Variants in KMT2C observed in about 807,000 individuals in gnomAD.
KMT2C encodes histone-lysine N-methyltransferase 2C.
KMT2C carries 88 observed loss-of-function variants against 507.9 expected under a neutral mutation model. The ratio of observed to expected loss-of-function variants is 0.17; its 90% CI spans 0.15 to 0.21. KMT2C has a LOEUF of 0.21. Among genes scored for constraint, KMT2C ranks in the 10% least tolerant of loss-of-function variants. KMT2C has a pLI of 1.00. For missense variants in KMT2C, 4,954 were observed against 5,957.8 expected, an observed-to-expected ratio of 0.83 and a Z score of 5.55; for synonymous variants, 2,049 against 2,080.8, an observed-to-expected ratio of 0.98 and a Z score of 0.42.
intron 7 of KMT2C, among the ~76,000 whole-genome samples, chr7:152,266,007 A>C (rs2095852732): frequency 1.3e-5 from 2 of 152,302 alleles, no homozygotes; most frequent in Admixed American, 1.3e-4. Flanking sequence ...CTGCAAAATA[A>C]GGAAAATAAT....
Position 152,157,086 on chromosome 7 carries a change from GT to G in KMT2C, c.11671-741del, listed in dbSNP as rs869094423. On this transcript the variant is annotated intron_variant, in intron 44 of 58. Coordinates refer to ENST00000262189, the MANE Select transcript of KMT2C (RefSeq NM_170606.3). Reference sequence around the variant, plus strand: ...GGAGAACAGCTTATGAGTTAAGATAGTTTTTTTTTTTTCTTTTTGGAGACAG... The same window carrying G: ...GGAGAACAGCTTATGAGTTAAGATAGTTTTTTTTTTTCTTTTTGGAGACAG... Among the ~76,000 whole-genome samples, 1,391 of 147,770 alleles carry G rather than the reference GT, an allele frequency of 9.4e-3. 30 individuals are homozygous for G. Among genetic ancestry groups the G allele is most frequent in the African/African-American group, 0.032 (1,309 of 40,734 alleles).
chr7:152,246,569 A>G (rs1327051749), intron 14 of KMT2C, among the ~76,000 whole-genome samples: 3 of 152,168 alleles, frequency 2.0e-5, no homozygotes, highest in Non-Finnish European at 4.4e-5. Flanking sequence ...ATACATATGA[A>G]GCAGTATCTT....
chr7:152,296,884 A>G (rs1470520128), intron 6 of KMT2C, among the ~76,000 whole-genome samples: 1 of 151,840 alleles, frequency 6.6e-6, no homozygotes, highest in African/African-American at 2.4e-5. Context: ...TCACACCTGT[A>G]ATCCCAGCAC....
At chr7:152,213,473 T>C (rs2094501125) in intron 23 of KMT2C, among the ~76,000 whole-genome samples, 1 of 152,114 alleles carries the variant, frequency 6.6e-6, no homozygotes, top group Non-Finnish European at 1.5e-5. Context: ...AAAGATGGTG[T>C]CTTCAATAAG....
At chr7:152,301,789 A>G (rs2096571318) in intron 6 of KMT2C, among the ~76,000 whole-genome samples, 1 of 152,252 alleles carries the variant, frequency 6.6e-6, no homozygotes, top group Admixed American at 6.5e-5. Context: ...TATAGAAAAT[A>G]AAACAGTATT....
chr7:152,208,752 T>C (rs2094374479), intron 23 of KMT2C, among the ~76,000 whole-genome samples: 1 of 152,272 alleles, frequency 6.6e-6, no homozygotes, highest in Admixed American at 6.5e-5. Context: ...AGATAACATA[T>C]TTCAGTAATG....
At chr7:152,224,751 CGG>C (rs2094876580) in intron 18 of KMT2C, 135 bp from the exon 19 acceptor site, 1 of 651,424 alleles carries the variant, frequency 1.5e-6, no homozygotes, top group Admixed American at 2.8e-5. Flanking sequence ...TGAGCACCTA[CGG>C]AGGCCCAATA....
At position 152,180,900 on chromosome 7, in the gene KMT2C, A is replaced by G. The variant is rs1359936343; in HGVS notation, c.6960T>C (p.His2320=). ...CAGGCCTTGGCTGATCAGCAACATC[A>G]TGGGCAGTTTGACTTGTTCCAAAAG... ...SDSFGTSQTA[H]DVADQPRPGS... Residue 2320 remains histidine (H), a synonymous_variant, in exon 36 of 59, where the codon CAT becomes CAC. Coordinates refer to ENST00000262189, the MANE Select transcript of KMT2C (RefSeq NM_170606.3). The G allele has an allele frequency of 2.5e-6, 4 of 1,613,992 alleles. No homozygotes were observed. The highest frequency in any genetic ancestry group is 3.4e-6 in the Non-Finnish European group (4 of 1,180,016).
chr7:152,342,193 T>C (rs1339287933), intron 2 of KMT2C, among the ~76,000 whole-genome samples: 3 of 152,142 alleles, frequency 2.0e-5, no homozygotes, highest in African/African-American at 7.2e-5. Flanking sequence ...AACAAATAAT[T>C]AGACCAGAAG....
intron 23 of KMT2C, among the ~76,000 whole-genome samples, chr7:152,214,110 T>C (rs1396749473): frequency 3.3e-5 from 5 of 151,788 alleles, no homozygotes; most frequent in Admixed American, 6.6e-5. Context: ...CCTTTGTACA[T>C]GGTTGATAGG....
intron 33 of KMT2C, among the ~76,000 whole-genome samples, chr7:152,186,857 TGA>T (rs1563312336): frequency 6.6e-6 from 1 of 152,078 alleles, no homozygotes. Flanking sequence ...TCAGGGAAAG[TGA>T]GAGGGGAAGA....
At chr7:152,157,684 A>T in intron 44 of KMT2C, 11 of 948,868 alleles carry the variant, frequency 1.2e-5, no homozygotes, top group Non-Finnish European at 1.4e-5. Context: ...ACTAAATACA[A>T]AAATAAGACA....
At chr7:152,428,717 C>A (rs2097843926) in intron 1 of KMT2C, among the ~76,000 whole-genome samples, 1 of 152,062 alleles carries the variant, frequency 6.6e-6, no homozygotes, top group South Asian at 2.1e-4. Context: ...CAACCATCAG[C>A]CAGAATTCTG....
rs376118166 is a variant in KMT2C at position 152,151,537 on chromosome 7, C to T, written c.12571G>A (p.Ala4191Thr). ...KDSSHGIAES[A>T]ALRPQWCCHC... Reference sequence around the variant, plus strand: ...CAACACCACTGTGGTCTGAGTGCTGCGCTTTCTGCAATACCATGACTAGAA... The same window carrying T: ...CAACACCACTGTGGTCTGAGTGCTGTGCTTTCTGCAATACCATGACTAGAA... The change falls in exon 50 of 59, where the codon GCA becomes ACA. Residue 4191 changes from alanine to threonine, a missense_variant. Ala to Thr is a moderately conservative substitution (Grantham distance 58). This residue lies in a region of KMT2C where 417 missense variants were observed against 461.1 expected (regional missense o/e 0.90). Coordinates refer to ENST00000262189, the MANE Select transcript of KMT2C (RefSeq NM_170606.3). The T allele has an allele frequency of 3.0e-5, 49 of 1,613,910 alleles. 1 individual carries two copies. The highest frequency in any genetic ancestry group is 1.2e-4 in the African/African-American group (9 of 74,934).
At chr7:152,327,972 A>G (rs1006813505) in intron 3 of KMT2C, among the ~76,000 whole-genome samples, 121 of 150,826 alleles carry the variant, frequency 8.0e-4, no homozygotes, top group African/African-American at 2.8e-3. Context: ...AAAAAAAAAA[A>G]AAAGAAAAAA....
In KMT2C at chr7:152,240,263, AG is replaced by A. The variant is rs2095358535; in HGVS notation, c.2533-1438del. ...TATGTCTTCTTCCCTACTATTAGTA[AG>A]GAAGTGTTGTCAAAAGCCATTTCTC... is the stretch of plus-strand genomic sequence containing the variant. On this transcript the variant is annotated intron_variant, in intron 14 of 58. Transcript: ENST00000262189. Among the ~76,000 whole-genome samples, 4 of 116,706 alleles carry A rather than the reference AG, an allele frequency of 3.4e-5. No homozygotes were observed. In the South Asian group the frequency reaches 1.2e-3, roughly 34 times the overall value. The allele number at this position is 116,706 out of a possible 152,430, so 76.6% of individuals were successfully genotyped here.
intron 1 of KMT2C, among the ~76,000 whole-genome samples, chr7:152,401,833 G>A (rs982844689): frequency 3.9e-5 from 6 of 152,420 alleles, no homozygotes; most frequent in East Asian, 3.9e-4. Flanking sequence ...AGTTGCAGCC[G>A]GGCGTGGTGG....
intron 23 of KMT2C, among the ~76,000 whole-genome samples, chr7:152,216,877 C>G (rs551158300): frequency 2.5e-4 from 38 of 152,326 alleles, no homozygotes; most frequent in African/African-American, 9.1e-4. Context: ...CACTTGTATT[C>G]TAATAGCTCA....
At chr7:152,170,761 A>G (rs1467938285) in intron 40 of KMT2C, among the ~76,000 whole-genome samples, 2 of 152,160 alleles carry the variant, frequency 1.3e-5, no homozygotes, top group Admixed American at 6.5e-5. Context: ...TCGGCCTCCC[A>G]AAGTGCTGGG....
Sources: allele counts gnomAD v4.1 joint callset (sites outside exome capture counted in the v4.1 genomes callset), GRCh38; gene constraint gnomAD v4.1.1; regional missense constraint gnomAD v4.1.1; transcripts MANE v1.5; gene names NCBI Gene and HGNC (gene_info 2026-07-23, HGNC 2026-07-21).